The following PLGRKT variants were observed in gnomAD, a reference collection of about 807,000 sequenced individuals.
PLGRKT encodes plasminogen receptor (KT).
A neutral mutation model predicts 18.5 loss-of-function variants in PLGRKT; 22 were observed. That is an observed-to-expected ratio of 1.19 (90% CI 0.85 to 1.70). The LOEUF (loss-of-function observed/expected upper bound fraction) is 1.70. PLGRKT is among the 40% of genes most tolerant of loss of function. PLGRKT has a pLI of 0.00. For synonymous variants in PLGRKT, 72 were observed against 52.8 expected (o/e 1.36, Z -1.58); for missense variants, 235 against 174.4 (o/e 1.35, Z -1.96).
At chr9:5,438,136 C>G (rs751918298), upstream of PLGRKT, among the ~76,000 whole-genome samples, 2 of 152,206 alleles carry the variant, frequency 1.3e-5, no homozygotes, top group South Asian at 4.1e-4. Context: ...TCTGTCCCCT[C>G]ATCTGTTAAA....
chr9:5,408,203 G>C (rs891714616), intron 3 of PLGRKT, among the ~76,000 whole-genome samples: 3 of 152,252 alleles, frequency 2.0e-5, no homozygotes, highest in African/African-American at 4.8e-5. Context: ...GGAGGGCTCA[G>C]AGGAAGACAG....
In PLGRKT at chr9:5,418,303, G is replaced by GA; in HGVS notation, c.81+13593dup. Reference sequence around the variant, plus strand: ...TGTCGCCCCCTCATCTTCTCACTGGGATCTCATCACCAATGTGCTCAACCC... The same window carrying GA: ...TGTCGCCCCCTCATCTTCTCACTGGGAATCTCATCACCAATGTGCTCAACCC... On this transcript the variant is annotated intron_variant, in intron 3 of 5. Transcript: ENST00000223864. This position sits in a 1 kb window ranked among gnomAD's most constrained non-coding sequence, Gnocchi z 4.2. 1.9e-6 allele frequency: 1 copy of GA among 522,600 alleles called. No individual in the cohort carries two copies. The highest frequency in any genetic ancestry group is 2.1e-5 in the South Asian group (1 of 48,366). 32.4% of individuals were successfully genotyped at this position (522,600 alleles called of 1,614,324 possible). A position where few individuals can be genotyped will look rare whatever the true frequency, so the allele number is the denominator to read the frequency against.
At chr9:5,384,556 T>C (rs888747744) in intron 3 of PLGRKT, among the ~76,000 whole-genome samples, 5 of 152,170 alleles carry the variant, frequency 3.3e-5, no homozygotes, top group Non-Finnish European at 7.3e-5. Context: ...AATCTTCTTT[T>C]CATATCAATA....
intron 3 of PLGRKT, among the ~76,000 whole-genome samples, chr9:5,427,795 G>C (rs1008819195): frequency 1.3e-5 from 2 of 152,204 alleles, no homozygotes; most frequent in African/African-American, 4.8e-5. Flanking sequence ...TGACTTTCTG[G>C]AAAAGGAGGG....
intron 3 of PLGRKT, among the ~76,000 whole-genome samples, chr9:5,362,196 G>A (rs1051566605): frequency 6.6e-6 from 1 of 152,214 alleles, no homozygotes; most frequent in Non-Finnish European, 1.5e-5. Flanking sequence ...TTTCCTATTG[G>A]ATGTGTGGAA....
intron 3 of PLGRKT, among the ~76,000 whole-genome samples, chr9:5,395,043 G>C (rs1818018925): frequency 6.8e-6 from 1 of 148,118 alleles, no homozygotes; most frequent in Non-Finnish European, 1.5e-5. Flanking sequence ...AAGGCATTAT[G>C]ACAATGAAAC....
chr9:5,391,330 G>T (rs998005510), intron 3 of PLGRKT, among the ~76,000 whole-genome samples: 1 of 151,936 alleles, frequency 6.6e-6, no homozygotes, highest in African/African-American at 2.4e-5. Flanking sequence ...TGAAAACATT[G>T]CCGGGGAAAT....
rs1818506788 is a variant in PLGRKT, at chr9:5,418,444, A to T, written c.81+13453T>A. ...GAGCACGATGCTGAGGAGGAAGACC[A>T]AGACGCAAGCCACCAAGATGACAGT... On this transcript the variant is annotated intron_variant, in intron 3 of 5. Transcript: ENST00000223864. This position sits in a 1 kb window ranked among gnomAD's most constrained non-coding sequence, Gnocchi z 4.2. 2.0e-6 allele frequency: 2 copies of T among 983,976 alleles called. No homozygotes were observed. The highest frequency in any genetic ancestry group is 3.3e-6 in the Non-Finnish European group (2 of 613,738). 61.0% of individuals were successfully genotyped at this position (983,976 alleles called of 1,614,324 possible). A position where few individuals can be genotyped will look rare whatever the true frequency, so the allele number is the denominator to read the frequency against.
chr9:5,404,044 C>T (rs145684374), intron 3 of PLGRKT, among the ~76,000 whole-genome samples: 1 of 152,300 alleles, frequency 6.6e-6, no homozygotes, highest in African/African-American at 2.4e-5. Flanking sequence ...TGGGTACATT[C>T]CTGGACACAT....
In PLGRKT at chr9:5,398,098, C is replaced by T. The variant is rs371035240; in HGVS notation, c.81+33799G>A. 7.2e-5 allele frequency among the ~76,000 whole-genome samples: 11 copies of T among 151,876 alleles called. No individual in the cohort carries two copies. The South Asian group carries it at 1.9e-3, about 26-fold the overall frequency. On this transcript the variant is annotated intron_variant, in intron 3 of 5. Coordinates refer to ENST00000223864, the MANE Select transcript of PLGRKT (RefSeq NM_018465.4). ...GGATATCAGTGGATGGACAGCAAAA[C>T]GGGAGCAGACAATGAATAAGATCCC... is the stretch of plus-strand genomic sequence containing the variant.
intron 3 of PLGRKT, among the ~76,000 whole-genome samples, chr9:5,372,582 G>C (rs1277342286): frequency 6.6e-6 from 1 of 152,120 alleles, no homozygotes; most frequent in Non-Finnish European, 1.5e-5. Context: ...ATTCTCCTAG[G>C]GGAACTCCAC....
At chr9:5,430,912 G>C (rs1169640377) in intron 3 of PLGRKT, among the ~76,000 whole-genome samples, 1 of 152,172 alleles carries the variant, frequency 6.6e-6, no homozygotes, top group Non-Finnish European at 1.5e-5. Context: ...GCAGTGCTTT[G>C]ATCTTTTCTA....
intron 3 of PLGRKT, among the ~76,000 whole-genome samples, chr9:5,420,864 A>G (rs2131159762): frequency 6.6e-6 from 1 of 152,378 alleles, no homozygotes; most frequent in Non-Finnish European, 1.5e-5. Flanking sequence ...AAGCAAGTAA[A>G]GAAAAAAACA....
At chr9:5,421,230 C>T (rs1479749464) in intron 3 of PLGRKT, among the ~76,000 whole-genome samples, 1 of 152,204 alleles carries the variant, frequency 6.6e-6, no homozygotes, top group East Asian at 1.9e-4. Context: ...AGCTCAGTGT[C>T]TCTGCATTCA....
intron 3 of PLGRKT, among the ~76,000 whole-genome samples, chr9:5,375,867 T>G (rs986057854): frequency 2.0e-5 from 3 of 152,158 alleles, no homozygotes; most frequent in Non-Finnish European, 4.4e-5. Context: ...CCAAAAGCAA[T>G]GAAAGCAGGG....
intron 3 of PLGRKT, among the ~76,000 whole-genome samples, chr9:5,363,204 G>A (rs2131059544): frequency 6.6e-6 from 1 of 152,022 alleles, no homozygotes. Context: ...AGGATCAGCA[G>A]CACCCGAGAG....
At chr9:5,391,125 C>A (rs1406906830) in intron 3 of PLGRKT, among the ~76,000 whole-genome samples, 2 of 151,898 alleles carry the variant, frequency 1.3e-5, no homozygotes, top group Non-Finnish European at 2.9e-5. Context: ...AAAAACTTGA[C>A]TTAAATGGTT....
At chr9:5,395,933 G>A (rs1818037794) in intron 3 of PLGRKT, among the ~76,000 whole-genome samples, 3 of 125,188 alleles carry the variant, frequency 2.4e-5, no homozygotes, top group Non-Finnish European at 4.8e-5. Flanking sequence ...TCACTCTGTT[G>A]CCCAGACTGG....
chr9:5,419,322 G>C (rs1263347729), intron 3 of PLGRKT, among the ~76,000 whole-genome samples: 1 of 152,192 alleles, frequency 6.6e-6, no homozygotes, highest in Non-Finnish European at 1.5e-5. Flanking sequence ...ACTCCATTCT[G>C]AGCATGATGA....
Sources: allele counts gnomAD v4.1 joint callset (sites outside exome capture counted in the v4.1 genomes callset), GRCh38; gene constraint gnomAD v4.1.1; non-coding constraint Gnocchi (gnomAD v3.1); transcripts MANE v1.5; gene names NCBI Gene and HGNC (gene_info 2026-07-23, HGNC 2026-07-21).